KYAT1: variants seen among roughly 807,000 people sequenced by gnomAD.
The protein encoded by KYAT1 is kynurenine--oxoglutarate transaminase 1.
KYAT1 carries 47 observed loss-of-function variants against 52.4 expected under a neutral mutation model. The ratio of observed to expected loss-of-function variants is 0.90; its 90% CI spans 0.71 to 1.14. The LOEUF is 1.14. KYAT1 is among the 50% of genes most tolerant of loss of function. The pLI, the probability that KYAT1 is intolerant of heterozygous loss-of-function variation, is 0.00. For synonymous variants in KYAT1, 212 were observed against 209.6 expected (o/e 1.01, Z -0.10); for missense variants, 480 against 557.9 (o/e 0.86, Z 1.41).
intron 1 of KYAT1, among the ~76,000 whole-genome samples, chr9:128,871,999 C>T (rs1464861860): frequency 2.0e-5 from 3 of 151,712 alleles, no homozygotes; most frequent in Admixed American, 6.6e-5. Flanking sequence ...CATAGTGGCA[C>T]ACGCCTGTAG....
rs1830435411 is a variant in KYAT1 at position 128,833,253 on chromosome 9, G to A, written c.*331C>T. ...TGAGCCTTAGCAGGGGCCATGCAGA[G>A]CTGGGATGTGATCGGTACATGGTGG... is the stretch of plus-strand genomic sequence containing the variant. On this transcript the variant is annotated 3_prime_UTR_variant, in exon 13 of 13. Coordinates refer to ENST00000302586, the MANE Select transcript of KYAT1 (RefSeq NM_004059.5). 2.2e-6 allele frequency: 1 copy of A among 463,092 alleles called. No individual in the cohort carries two copies. The highest frequency in any genetic ancestry group is 3.5e-5 in the Admixed American group (1 of 28,566). The allele number at this position is 463,092 out of a possible 1,614,324, so 28.7% of individuals were successfully genotyped here. A position where few individuals can be genotyped will look rare whatever the true frequency, so the allele number is the denominator to read the frequency against.
chr9:128,838,485 G>A (rs1231766514), intron 3 of KYAT1, 118 bp from the exon 4 acceptor site: 53 of 1,135,276 alleles, frequency 4.7e-5, no homozygotes, highest in Non-Finnish European at 6.0e-5. Flanking sequence ...GTCAGGTACT[G>A]GTAGCCTGGG....
intron 5 of KYAT1, 85 bp downstream of exon 5, chr9:128,837,966 T>C: frequency 6.6e-7 from 1 of 1,523,748 alleles, no homozygotes; most frequent in Non-Finnish European, 9.1e-7. Flanking sequence ...CCTTCACTTC[T>C]TTCCTCCTTT....
At chr9:128,846,402 C>T (rs1237333050) in intron 1 of KYAT1, among the ~76,000 whole-genome samples, 1 of 152,032 alleles carries the variant, frequency 6.6e-6, no homozygotes, top group African/African-American at 2.4e-5. Context: ...TGCACTCCAG[C>T]CTGAGCATTA....
intron 1 of KYAT1, among the ~76,000 whole-genome samples, 155 bp downstream of exon 1, chr9:128,881,742 C>G (rs1193776065): frequency 6.6e-6 from 1 of 152,154 alleles, no homozygotes; most frequent in East Asian, 1.9e-4. Flanking sequence ...TTGATTCCCG[C>G]GGGCGGCTCA....
In KYAT1 at chr9:128,847,663, C is replaced by CAAA. The variant is rs72269035; in HGVS notation, c.-6-2253_-6-2252insTTT. 24 of 575,812 alleles carry CAAA rather than the reference C, an allele frequency of 4.2e-5. No individual in the cohort carries two copies. The African/African-American group carries it at 4.3e-4, about 10-fold the overall frequency. The allele number at this position is 575,812 out of a possible 1,614,324, so 35.7% of individuals were successfully genotyped here. A position where few individuals can be genotyped will look rare whatever the true frequency, so the allele number is the denominator to read the frequency against. ...ACAGCTCTAACAATAACAACAACAA[C>CAAA]AACAACAACAACAACAACAATATGG... On this transcript the variant is annotated intron_variant, in intron 1 of 12. Coordinates refer to ENST00000302586, the MANE Select transcript of KYAT1 (RefSeq NM_004059.5).
intron 1 of KYAT1, among the ~76,000 whole-genome samples, chr9:128,875,905 G>A (rs548140219): frequency 5.7e-4 from 87 of 152,218 alleles, no homozygotes; most frequent in African/African-American, 2.0e-3. Flanking sequence ...CTGGGCCCGT[G>A]GAATGCATCA....
intron 1 of KYAT1, among the ~76,000 whole-genome samples, chr9:128,854,771 T>A (rs1432199938): frequency 6.6e-6 from 1 of 152,134 alleles, no homozygotes; most frequent in African/African-American, 2.4e-5. Flanking sequence ...GAAGTATGTG[T>A]TAATATTAGT....
chr9:128,862,464 T>C (rs1393793605), intron 1 of KYAT1, among the ~76,000 whole-genome samples: 1 of 152,238 alleles, frequency 6.6e-6, no homozygotes. Flanking sequence ...AACACTTACA[T>C]TGAGCTCCTG....
At chr9:128,870,694 T>C (rs1255442448) in intron 1 of KYAT1, among the ~76,000 whole-genome samples, 1 of 152,074 alleles carries the variant, frequency 6.6e-6, no homozygotes, top group Admixed American at 6.6e-5. Flanking sequence ...GTCACATAGC[T>C]ATGATTCCTT....
At chr9:128,847,224 C>A (rs1186939238) in intron 1 of KYAT1, among the ~76,000 whole-genome samples, 1 of 152,212 alleles carries the variant, frequency 6.6e-6, no homozygotes, top group Non-Finnish European at 1.5e-5. Flanking sequence ...GAAGCAGCAC[C>A]CTACAGCGCC....
intron 1 of KYAT1, among the ~76,000 whole-genome samples, chr9:128,877,157 C>T (rs1217248579): frequency 6.6e-6 from 1 of 152,160 alleles, no homozygotes; most frequent in Non-Finnish European, 1.5e-5. Context: ...CTTGACCTCC[C>T]AAATTGCTGG....
intron 1 of KYAT1, among the ~76,000 whole-genome samples, chr9:128,875,084 T>A (rs1837783885): frequency 6.6e-6 from 1 of 152,116 alleles, no homozygotes; most frequent in Admixed American, 6.6e-5. Flanking sequence ...CATTATCTTT[T>A]TCTTTAGAAC....
chr9:128,881,053 C>T (rs1354798654), intron 1 of KYAT1, among the ~76,000 whole-genome samples: 1 of 152,178 alleles, frequency 6.6e-6, no homozygotes. Flanking sequence ...AGGCGTCCTT[C>T]TACGCAAAGA....
At position 128,835,794 on chromosome 9, in the gene KYAT1, G is replaced by T. The variant is rs767811954; in HGVS notation, c.840C>A (p.Cys280Ter). ...RTVHQNSVFHCPTQSQAAVAE... is the reference protein window; with the variant it reads ...RTVHQNSVFH ...CCCTCTTCACCTGGCTCTGCGTGGGGCAGTGGAAGACGGAGTTCTGGTGCA... is the reference window on the plus strand; with the variant it reads ...CCCTCTTCACCTGGCTCTGCGTGGGTCAGTGGAAGACGGAGTTCTGGTGCA... The change falls in exon 9 of 13, where the codon TGC becomes TGA. Residue 280 changes from cysteine to a stop codon, truncating the protein, a stop_gained. Transcript: ENST00000302586. LOFTEE classifies it high-confidence loss of function. 1.2e-6 allele frequency: 2 copies of T among 1,613,214 alleles called. No homozygotes were observed. Among genetic ancestry groups the T allele is most frequent in the South Asian group, 2.2e-5 (2 of 90,856 alleles).
chr9:128,850,719 G>A (rs1349748887), intron 1 of KYAT1, among the ~76,000 whole-genome samples: 9 of 152,326 alleles, frequency 5.9e-5, no homozygotes, highest in African/African-American at 2.4e-5. Context: ...ATGAAGTTGA[G>A]ATAGAGGAAG....
At chr9:128,881,770 C>T (rs1838958211) in intron 1 of KYAT1, 127 bp downstream of exon 1, 1 of 152,202 alleles carries the variant, frequency 6.6e-6, no homozygotes, top group African/African-American at 2.4e-5. Context: ...TGTGCAGCCA[C>T]TCCGTTATAC....
intron 1 of KYAT1, among the ~76,000 whole-genome samples, chr9:128,857,346 C>A (rs573700341): frequency 6.6e-6 from 1 of 152,324 alleles, no homozygotes; most frequent in Non-Finnish European, 1.5e-5. Context: ...TTGCCAGTCT[C>A]CTGGGCCCAC....
intron 1 of KYAT1, chr9:128,847,678 C>T (rs1833330943): frequency 3.5e-6 from 2 of 576,544 alleles, no homozygotes; most frequent in South Asian, 2.2e-5. Context: ...ACAACAACAA[C>T]AACAATATGG....
Sources: gnomAD v4.1 joint callset for allele counts (sites outside exome capture counted in the v4.1 genomes callset) on GRCh38, gnomAD v4.1.1 for gene constraint, MANE v1.5 for transcripts, NCBI Gene and HGNC (gene_info 2026-07-23, HGNC 2026-07-21) for gene names.